GRIK2: variants seen among roughly 807,000 people sequenced by gnomAD.
The protein encoded by GRIK2 is glutamate ionotropic receptor kainate type subunit 2.
Under a neutral mutation model 100.3 loss-of-function variants are expected in GRIK2, and 32 were observed. The observed-to-expected ratio is 0.32, with a 90% CI of 0.24 to 0.43. The LOEUF (loss-of-function observed/expected upper bound fraction) is 0.43, where lower values mean the gene tolerates loss of function less well. Among genes scored for constraint, GRIK2 ranks in the 20% least tolerant of loss-of-function variants. GRIK2 has a pLI of 1.00. For missense variants in GRIK2, 843 were observed against 1,114.9 expected (o/e 0.76, Z 3.47); for synonymous variants, 417 against 389.4 (o/e 1.07, Z -0.83).
rs1226858992 is a variant in GRIK2 at position 101,399,125 on chromosome 6, G to A, written c.-153G>A. 3.4e-6 allele frequency: 2 copies of A among 580,370 alleles called. No homozygotes were observed. Among genetic ancestry groups the A allele is most frequent in the African/African-American group, 3.8e-5 (2 of 53,310 alleles). 36.0% of individuals were successfully genotyped at this position (580,370 alleles called of 1,614,324 possible). A position where few individuals can be genotyped will look rare whatever the true frequency, so the allele number is the denominator to read the frequency against. On this transcript the variant is annotated 5_prime_UTR_variant, in exon 2 of 17. The change abolishes an upstream ATG in the 5' untranslated region. Coordinates refer to ENST00000369134, the MANE Select transcript of GRIK2 (RefSeq NM_021956.5). ...TGAAGAACATGCAGCGATTGCTAATGGGTTTGGGAAGCGGAGACTCCTTCC... is the reference window on the plus strand; with the variant it reads ...TGAAGAACATGCAGCGATTGCTAATAGGTTTGGGAAGCGGAGACTCCTTCC...
intron 7 of GRIK2, among the ~76,000 whole-genome samples, chr6:101,755,324 G>A (rs546157201): frequency 2.3e-4 from 35 of 151,848 alleles, no homozygotes; most frequent in Non-Finnish European, 4.1e-4. Flanking sequence ...CCGCCACCAC[G>A]CCCAGCTGAT....
intron 2 of GRIK2, among the ~76,000 whole-genome samples, chr6:101,472,700 C>T (rs1299400148): frequency 6.6e-6 from 1 of 151,724 alleles, no homozygotes; most frequent in African/African-American, 2.4e-5. Context: ...TACATAATTA[C>T]AATTAGCTGA....
At chr6:101,987,675 TATTA>T (rs1794094339) in intron 14 of GRIK2, among the ~76,000 whole-genome samples, 1 of 150,478 alleles carries the variant, frequency 6.6e-6, no homozygotes, top group African/African-American at 2.4e-5. Context: ...TATTTAATTA[TATTA>T]ATCAATTTAT....
chr6:101,454,956 G>A (rs1454904174), intron 2 of GRIK2, among the ~76,000 whole-genome samples: 1 of 152,058 alleles, frequency 6.6e-6, no homozygotes, highest in East Asian at 1.9e-4. Flanking sequence ...ACCTTTAACA[G>A]TGTTGTTTCT....
intron 10 of GRIK2, among the ~76,000 whole-genome samples, chr6:101,829,013 A>G (rs192497987): frequency 1.0e-3 from 156 of 152,176 alleles, no homozygotes; most frequent in Non-Finnish European, 1.9e-3. Context: ...AAAATTCTCA[A>G]CAAAATGTAA....
At chr6:101,453,734 T>G (rs574891050) in intron 2 of GRIK2, among the ~76,000 whole-genome samples, 1 of 152,144 alleles carries the variant, frequency 6.6e-6, no homozygotes, top group East Asian at 1.9e-4. Flanking sequence ...GATGTAACGT[T>G]ATGAAGTATG....
intron 7 of GRIK2, among the ~76,000 whole-genome samples, chr6:101,737,756 T>C (rs1165909617): frequency 6.6e-6 from 1 of 152,208 alleles, no homozygotes; most frequent in Non-Finnish European, 1.5e-5. Flanking sequence ...TCAACTTTTA[T>C]TGCTTTTATG....
At position 101,759,405 on chromosome 6, in the gene GRIK2, T is replaced by C. The variant is rs560533202; in HGVS notation, c.952-40243T>C. Among the ~76,000 whole-genome samples, 362 of 152,300 alleles carry C rather than the reference T, an allele frequency of 2.4e-3. 5 individuals carry two copies. Among genetic ancestry groups the C allele is most frequent in the African/African-American group, 8.2e-3 (341 of 41,576 alleles). ...GCTCCCCCAAAGCTAGATGTCTCTTTATTTGCATAACAAAACAGCAGCAAC... is the reference window on the plus strand; with the variant it reads ...GCTCCCCCAAAGCTAGATGTCTCTTCATTTGCATAACAAAACAGCAGCAAC... On this transcript the variant is annotated intron_variant, in intron 7 of 16. Coordinates refer to ENST00000369134, the MANE Select transcript of GRIK2 (RefSeq NM_021956.5).
At chr6:102,000,468 T>G (rs1026717008) in intron 14 of GRIK2, among the ~76,000 whole-genome samples, 1 of 151,978 alleles carries the variant, frequency 6.6e-6, no homozygotes, top group African/African-American at 2.4e-5. Context: ...TTCCCATATT[T>G]ACATCCAGGG....
At chr6:101,651,004 CTTTTTT>C (rs3056156) in intron 4 of GRIK2, among the ~76,000 whole-genome samples, 9 of 119,516 alleles carry the variant, frequency 7.5e-5, no homozygotes, top group Non-Finnish European at 1.4e-4. Flanking sequence ...CTTTCTTTTT[CTTTTTT>C]TTTTTTTTTT....
chr6:101,582,873 C>T (rs1186136261), intron 2 of GRIK2, among the ~76,000 whole-genome samples: 3 of 151,988 alleles, frequency 2.0e-5, no homozygotes, highest in African/African-American at 7.2e-5. Context: ...TATTTGCCCA[C>T]TTTTCTAACC....
intron 4 of GRIK2, among the ~76,000 whole-genome samples, chr6:101,664,981 C>T (rs930748703): frequency 1.3e-5 from 2 of 152,172 alleles, no homozygotes; most frequent in Admixed American, 1.3e-4. Context: ...CCACTGGGCC[C>T]CTCGCATGGC....
chr6:101,696,626 C>T (rs533956337), intron 7 of GRIK2, among the ~76,000 whole-genome samples: 4 of 151,916 alleles, frequency 2.6e-5, no homozygotes, highest in Non-Finnish European at 5.9e-5. Flanking sequence ...ATATAAATAA[C>T]CTAAATTGTG....
chr6:102,041,294 A>G (rs1770557639), intron 15 of GRIK2, among the ~76,000 whole-genome samples: 1 of 151,690 alleles, frequency 6.6e-6, no homozygotes, highest in African/African-American at 2.4e-5. Context: ...CAGATTTTAT[A>G]CACAAAGATT....
intron 7 of GRIK2, among the ~76,000 whole-genome samples, chr6:101,741,165 G>C (rs1366541650): frequency 2.0e-5 from 3 of 152,216 alleles, no homozygotes; most frequent in Non-Finnish European, 1.5e-5. Context: ...AACCTTGACT[G>C]TATAATTTGG....
intron 2 of GRIK2, among the ~76,000 whole-genome samples, chr6:101,593,159 G>C (rs520109): frequency 0.1 from 15,515 of 151,730 alleles, 1,022 homozygotes; most frequent in African/African-American, 0.19. Context: ...TTGGTTTGGT[G>C]TTGGCATAAT....
intron 2 of GRIK2, among the ~76,000 whole-genome samples, chr6:101,599,380 C>T (rs1430256875): frequency 1.3e-5 from 2 of 151,610 alleles, no homozygotes; most frequent in South Asian, 2.1e-4. Context: ...AATGAACAGA[C>T]GAGTACATGT....
intron 4 of GRIK2, among the ~76,000 whole-genome samples, chr6:101,634,409 T>C (rs1780908163): frequency 2.0e-5 from 3 of 152,108 alleles, no homozygotes; most frequent in African/African-American, 7.2e-5. Context: ...CTTCTTAACA[T>C]ATGAAGTTTG....
chr6:101,804,001 G>T (rs549951623), intron 9 of GRIK2, among the ~76,000 whole-genome samples: 81 of 151,854 alleles, frequency 5.3e-4, no homozygotes, highest in African/African-American at 1.9e-3. Context: ...ATTATGTTCA[G>T]TCCTTATCCT....
Sources: allele counts gnomAD v4.1 joint callset (sites outside exome capture counted in the v4.1 genomes callset), GRCh38; gene constraint gnomAD v4.1.1; transcripts MANE v1.5; gene names NCBI Gene and HGNC (gene_info 2026-07-23, HGNC 2026-07-21).